The following LRRC37A2 variants were observed in gnomAD, a reference collection of about 807,000 sequenced individuals.
LRRC37A2 encodes the protein leucine-rich repeat-containing protein 37A2.
LRRC37A2 carries 9 observed loss-of-function variants against 68.8 expected under a neutral mutation model. That is an observed-to-expected ratio of 0.13 (90% CI 0.08 to 0.23). The LOEUF is 0.23. Among genes scored for constraint, LRRC37A2 ranks in the 10% least tolerant of loss-of-function variants. The probability of loss-of-function intolerance (pLI) is 1.00; values close to 1 mark genes in which losing one functional copy is unlikely to be tolerated. For missense variants in LRRC37A2, 168 were observed against 950.4 expected (o/e 0.18, Z 10.82); for synonymous variants, 63 against 367.6 (o/e 0.17, Z 9.48).
chr17:46,791,921 T>G, the LRRC37A2 span, among the ~76,000 whole-genome samples: 1 of 152,140 alleles, frequency 6.6e-6, no homozygotes, highest in South Asian at 2.1e-4. Flanking sequence ...ACACTTGTAG[T>G]CCCAGCTACT....
the LRRC37A2 span, chr17:46,833,049 T>C: frequency 3.0e-6 from 1 of 329,048 alleles, no homozygotes; most frequent in East Asian, 8.5e-5. Context: ...TGCAGCGCAG[T>C]GACTGCTGTG....
chr17:46,932,341 GT>G, the LRRC37A2 span: 1 of 914,340 alleles, frequency 1.1e-6, no homozygotes, highest in Non-Finnish European at 1.8e-6. Context: ...CAGGAACTTT[GT>G]GCATTGCCAC....
the LRRC37A2 span, among the ~76,000 whole-genome samples, chr17:46,920,279 T>A: frequency 6.6e-6 from 1 of 152,256 alleles, no homozygotes; most frequent in Non-Finnish European, 1.5e-5. Context: ...AATTGTAGCA[T>A]GTATTCTACT....
the LRRC37A2 span, among the ~76,000 whole-genome samples, chr17:46,866,551 G>A: frequency 8.2e-3 from 1,254 of 152,138 alleles, 17 homozygotes; most frequent in African/African-American, 0.028. Flanking sequence ...AAGCACAAAG[G>A]GCGCACTCAC....
chr17:46,679,853 C>T, the LRRC37A2 span, among the ~76,000 whole-genome samples: 8 of 151,350 alleles, frequency 5.3e-5, no homozygotes, highest in Non-Finnish European at 1.2e-4. Context: ...AATAACAAGA[C>T]TCAAAGACAA....
the LRRC37A2 span, among the ~76,000 whole-genome samples, chr17:46,856,913 A>G: frequency 6.6e-6 from 1 of 152,202 alleles, no homozygotes; most frequent in East Asian, 1.9e-4. Flanking sequence ...TCCTCTTTGC[A>G]ATCAACCCTC....
At chr17:46,786,106 T>C in the LRRC37A2 span, among the ~76,000 whole-genome samples, 1 of 112,722 alleles carries the variant, frequency 8.9e-6, no homozygotes, top group Non-Finnish European at 1.6e-5. Flanking sequence ...TTGATAAGCC[T>C]GGAAAAAGGG....
the LRRC37A2 span, among the ~76,000 whole-genome samples, chr17:46,892,254 C>A: frequency 3.9e-5 from 6 of 151,946 alleles, no homozygotes; most frequent in African/African-American, 1.5e-4. Context: ...AATGTCACAC[C>A]CCTGCCTAAA....
chr17:46,974,137 C>T, the LRRC37A2 span, among the ~76,000 whole-genome samples: 1 of 152,226 alleles, frequency 6.6e-6, no homozygotes, highest in Non-Finnish European at 1.5e-5. Context: ...AAGTACTATC[C>T]CCGACTCAGA....
rs1015787811 is a variant in LRRC37A2 at position 46,541,322 on chromosome 17, G to A, written c.3053+441G>A. 8.7e-5 allele frequency among the ~76,000 whole-genome samples: 13 copies of A among 149,870 alleles called. 1 individual carries two copies. The highest frequency in any genetic ancestry group is 3.3e-4 in the African/African-American group (13 of 39,516). On this transcript the variant is annotated intron_variant, in intron 8 of 14. Transcript: ENST00000576629. The stretch of plus-strand genomic sequence containing the variant: ...GCTGCAGTGCAGCGGCATGACCTAG[G>A]CTCACTGCAACCTCCACCTCCCAGG...
At chr17:47,020,807 T>A in the LRRC37A2 span, among the ~76,000 whole-genome samples, 9,236 of 51,462 alleles carry the variant, frequency 0.18, 1 homozygote, top group Non-Finnish European at 0.22. Context: ...AAAAAAAAAA[T>A]AGGAGGGAAG....
At chr17:46,970,693 G>T in the LRRC37A2 span, among the ~76,000 whole-genome samples, 1 of 152,192 alleles carries the variant, frequency 6.6e-6, no homozygotes, top group Non-Finnish European at 1.5e-5. Flanking sequence ...CGTGGACGGG[G>T]GCTCAGAGAC....
chr17:46,610,566 A>C, the LRRC37A2 span, among the ~76,000 whole-genome samples: 1 of 19,306 alleles, frequency 5.2e-5, no homozygotes, highest in Non-Finnish European at 8.1e-5. Flanking sequence ...AAAAAGCTTC[A>C]GAAACATTTT....
the LRRC37A2 span, among the ~76,000 whole-genome samples, chr17:47,043,209 C>T: frequency 1.3e-5 from 2 of 151,720 alleles, no homozygotes; most frequent in East Asian, 3.8e-4. Context: ...AAAAGAAAAT[C>T]GATTCCAGCA....
chr17:46,889,194 G>A, the LRRC37A2 span, among the ~76,000 whole-genome samples: 2 of 152,106 alleles, frequency 1.3e-5, no homozygotes, highest in African/African-American at 4.8e-5. Context: ...TTTCCAGGGG[G>A]GCCAGATGGT....
At chr17:46,965,415 C>T in the LRRC37A2 span, among the ~76,000 whole-genome samples, 5,517 of 152,246 alleles carry the variant, frequency 0.036, 188 homozygotes, top group African/African-American at 0.092. Context: ...TCTGTGGCAC[C>T]CCAGGGCTCC....
At chr17:46,740,662 CTT>C in the LRRC37A2 span, among the ~76,000 whole-genome samples, 38 of 137,004 alleles carry the variant, frequency 2.8e-4, no homozygotes, top group Non-Finnish European at 2.9e-4. Context: ...TTATCTTTTT[CTT>C]TTTTTTTTTT....
At chr17:46,774,051 C>T in the LRRC37A2 span, 1 of 1,254,946 alleles carries the variant, frequency 8.0e-7, no homozygotes, top group Non-Finnish European at 1.1e-6. Context: ...CTACCTTTGA[C>T]CTCGGGAGCA....
At chr17:46,847,215 T>G in the LRRC37A2 span, among the ~76,000 whole-genome samples, 3 of 152,216 alleles carry the variant, frequency 2.0e-5, no homozygotes, top group African/African-American at 7.2e-5. Context: ...TGGCTGTGAG[T>G]TCCCTGGAGG....
Sources: allele counts gnomAD v4.1 joint callset (sites outside exome capture counted in the v4.1 genomes callset), GRCh38; gene constraint gnomAD v4.1.1; transcripts MANE v1.5; gene names NCBI Gene and HGNC (gene_info 2026-07-23, HGNC 2026-07-21).